The following TECPR1 variants were observed in gnomAD, a reference collection of about 807,000 sequenced individuals.
TECPR1 encodes the protein tectonin beta-propeller repeat containing 1.
In TECPR1, 122 loss-of-function variants were observed where a neutral mutation model predicts 162.4. The observed-to-expected ratio is 0.75, with a 90% CI of 0.65 to 0.87. TECPR1 has a LOEUF of 0.87. Ranked by LOEUF, TECPR1 falls within the 40% of genes least tolerant of loss-of-function variation. TECPR1 has a pLI of 0.00. For synonymous variants in TECPR1, 642 were observed against 670.6 expected (o/e 0.96, Z 0.66); for missense variants, 1,432 against 1,618.2 (o/e 0.88, Z 1.97).
intron 17 of TECPR1, among the ~76,000 whole-genome samples, chr7:98,226,322 G>A (rs1264228025): frequency 2.0e-5 from 3 of 152,238 alleles, no homozygotes; most frequent in Non-Finnish European, 2.9e-5. Flanking sequence ...TAAACACACA[G>A]ACACACAAAT....
intron 8 of TECPR1, among the ~76,000 whole-genome samples, chr7:98,239,400 C>G (rs529302602): frequency 6.6e-6 from 1 of 152,156 alleles, no homozygotes; most frequent in East Asian, 1.9e-4. Context: ...AAAAATACTA[C>G]AAATACTAGT....
intron 20 of TECPR1, 47 bp from the exon 21 acceptor site, chr7:98,223,217 C>A: frequency 6.6e-7 from 1 of 1,523,148 alleles, no homozygotes; most frequent in Non-Finnish European, 8.9e-7. Context: ...AAGGTGACCA[C>A]CAGGCTCCAG....
chr7:98,228,338 T>C lies in TECPR1; in HGVS notation c.2411-222A>G, dbSNP rs191338641. 2.4e-3 allele frequency among the ~76,000 whole-genome samples: 367 copies of C among 152,236 alleles called. 10 individuals carry two copies. The highest frequency in any genetic ancestry group is 0.023 in the Admixed American group (348 of 15,276). ...TTATTCTGGGATTGTGCAACCTCGA[T>C]GAGCACAGCCTGCTGTGCATTAAAT... is the stretch of plus-strand genomic sequence containing the variant. On this transcript the variant is annotated intron_variant, in intron 16 of 25. Transcript: ENST00000447648.
Position 98,244,478 on chromosome 7 carries a change from G to C in TECPR1, c.531+93C>G. On this transcript the variant is annotated intron_variant, in intron 5 of 25. Coordinates refer to ENST00000447648, the MANE Select transcript of TECPR1 (RefSeq NM_015395.3). ...TCCCGAGGTGGGCGTGGTGTCCCCT[G>C]GTGCACACAGGTGGGGAAGGTGGAG... 5.4e-6 allele frequency: 8 copies of C among 1,494,280 alleles called. No homozygotes were observed. In the South Asian group the frequency reaches 1.1e-4, roughly 20 times the overall value. The allele number at this position is 1,494,280 out of a possible 1,614,324, so 92.6% of individuals were successfully genotyped here.
chr7:98,222,551 C>T lies in TECPR1; in HGVS notation c.2929-30G>A, dbSNP rs958901863. 5 of 1,550,454 alleles carry T rather than the reference C, an allele frequency of 3.2e-6. No homozygotes were observed. In the African/African-American group the frequency reaches 5.5e-5, roughly 17 times the overall value. On this transcript the variant is annotated intron_variant, in intron 21 of 25. Transcript: ENST00000447648. ...GGATAGCAAGGAGGGGCGCTGAGGT[C>T]ACCAGGGCCCCCACCCCCAGGGCCC...
intron 21 of TECPR1, 56 bp from the exon 22 acceptor site, chr7:98,222,577 C>T (rs1184263653): frequency 6.5e-7 from 1 of 1,535,592 alleles, no homozygotes; most frequent in Non-Finnish European, 8.8e-7. Context: ...CCCAGGGCCC[C>T]ACCTCCAGGA....
At chr7:98,224,970 G>A (rs768849044) in intron 18 of TECPR1, 36 bp downstream of exon 18, 107 of 1,538,672 alleles carry the variant, frequency 7.0e-5, no homozygotes, top group East Asian at 2.0e-4. Flanking sequence ...GTGGGAGGGC[G>A]GATTCCCAAC....
intron 10 of TECPR1, 117 bp downstream of exon 10, chr7:98,236,659 C>T: frequency 2.2e-6 from 3 of 1,370,596 alleles, no homozygotes; most frequent in Admixed American, 2.2e-5. Flanking sequence ...TTTTCTCCTG[C>T]CTGGGACAAG....
At chr7:98,222,360 A>T in intron 22 of TECPR1, 26 bp downstream of exon 22, 1 of 1,602,842 alleles carries the variant, frequency 6.2e-7, no homozygotes, top group Non-Finnish European at 8.5e-7. Flanking sequence ...TGAACACTGC[A>T]GGGGCTCCTG....
At chr7:98,247,472 C>T (rs1371821687) in intron 2 of TECPR1, among the ~76,000 whole-genome samples, 5 of 152,080 alleles carry the variant, frequency 3.3e-5, no homozygotes, top group Admixed American at 2.0e-4. Context: ...TCAATGAAAG[C>T]TTACAGGTTT....
At chr7:98,225,874 T>TA (rs1798269643) in intron 17 of TECPR1, among the ~76,000 whole-genome samples, 2 of 152,310 alleles carry the variant, frequency 1.3e-5, no homozygotes, top group South Asian at 4.1e-4. Context: ...CCCAGGCTGA[T>TA]CTCGCCTTGT....
chr7:98,217,437 G>C lies in TECPR1; in HGVS notation c.3451C>G (p.Gln1151Glu), dbSNP rs375114491. The C allele has an allele frequency of 4.1e-5, 66 of 1,609,366 alleles. No homozygotes were observed. The African/African-American group carries it at 6.5e-4, about 16-fold the overall frequency. The change falls in exon 26 of 26, where the codon CAG (glutamine) becomes GAG (glutamate). Residue 1151 changes from glutamine (Q) to glutamate (E), a missense_variant. Physicochemically the swap from Gln to Glu is conservative, Grantham distance 29. Transcript: ENST00000447648. Reference sequence around the variant, plus strand: ...GCCTCTGGTGGGGCACTCGGCTCCTGCTCCTGGGACGAGCTCCGGGGGGCC... The same window carrying C: ...GCCTCTGGTGGGGCACTCGGCTCCTCCTCCTGGGACGAGCTCCGGGGGGCC... ...TRAPRSSSQE[Q>E]EPSAPPEAHG...
chr7:98,247,631 G>A (rs549120168), intron 2 of TECPR1, among the ~76,000 whole-genome samples: 2 of 152,110 alleles, frequency 1.3e-5, no homozygotes, highest in Non-Finnish European at 2.9e-5. Flanking sequence ...AGGGACGTAG[G>A]GGTCTTTTCT....
At position 98,233,903 on chromosome 7, in the gene TECPR1, C is replaced by T. The variant is rs937623430; in HGVS notation, c.1190G>A (p.Cys397Tyr). The T allele has an allele frequency of 1.3e-6, 2 of 1,534,098 alleles. No individual in the cohort carries two copies. The highest frequency in any genetic ancestry group is 1.7e-4 in the Middle Eastern group (1 of 5,890). ...GSSSSLLSAG[C>Y]FFGDEVRGSG... ...ACCCCTCACCTCATCACCGAAGAAG[C>T]AGCCGGCACTGGGGACAAATCAGGG... is the stretch of plus-strand genomic sequence containing the variant. The change falls in exon 11 of 26, where the codon TGC becomes TAC. Residue 397 changes from cysteine (C) to tyrosine (Y), a missense_variant. Physicochemically the swap from Cys to Tyr is radical, Grantham distance 194. Transcript: ENST00000447648.
intron 13 of TECPR1, 89 bp from the exon 14 acceptor site, chr7:98,231,462 C>A: frequency 7.0e-7 from 1 of 1,419,818 alleles, no homozygotes; most frequent in South Asian, 1.3e-5. Context: ...CCCTGGGACC[C>A]TGGCCCTCGG....
chr7:98,231,149 G>GCAGGCCAGGC lies in TECPR1; in HGVS notation c.2125-41_2125-32dup, dbSNP rs749755477. Reference sequence around the variant, plus strand: ...GTGGCACAATGCCGGTCACTGCTGAGCAGGCCAGGCCAGGCCAGGCCACCC... The same window carrying GCAGGCCAGGC: ...GTGGCACAATGCCGGTCACTGCTGAGCAGGCCAGGCCAGGCCAGGCCAGGCCAGGCCACCC... On this transcript the variant is annotated intron_variant, in intron 14 of 25. Coordinates refer to ENST00000447648, the MANE Select transcript of TECPR1 (RefSeq NM_015395.3). The GCAGGCCAGGC allele has an allele frequency of 3.7e-6, 6 of 1,604,424 alleles. No homozygotes were observed. In the African/African-American group the frequency reaches 5.4e-5, roughly 14 times the overall value.
In TECPR1 at chr7:98,251,177, C is replaced by T. The variant is rs576495669; in HGVS notation, c.-20+217G>A. The T allele has an allele frequency of 2.6e-5, 4 of 152,136 alleles. No individual in the cohort carries two copies. In the South Asian group the frequency reaches 8.3e-4, roughly 31 times the overall value. 9.4% of individuals were successfully genotyped at this position (152,136 alleles called of 1,614,324 possible). On this transcript the variant is annotated intron_variant, in intron 2 of 25. Transcript: ENST00000447648. ...GGAGGAAAATCTTCCAAATCAGCAG[C>T]CTCGAATTCACCAAGAATTTCTACA...
In TECPR1 at chr7:98,241,027, T is replaced by C; in HGVS notation, c.832+43A>G. 6.3e-7 allele frequency: 1 copy of C among 1,588,968 alleles called. No homozygotes were observed. The highest frequency in any genetic ancestry group is 8.6e-7 in the Non-Finnish European group (1 of 1,167,952). ...GGGGAGCGAGTGACCCTCACCCTTCTCCCCAGTACAGGGTATGTGGGTGGG... is the reference window on the plus strand; with the variant it reads ...GGGGAGCGAGTGACCCTCACCCTTCCCCCCAGTACAGGGTATGTGGGTGGG... On this transcript the variant is annotated intron_variant, in intron 7 of 25. Coordinates refer to ENST00000447648, the MANE Select transcript of TECPR1 (RefSeq NM_015395.3). The surrounding 1 kb of genome is among the most constrained non-coding windows in gnomAD (Gnocchi z 5.0).
intron 4 of TECPR1, 65 bp downstream of exon 4, chr7:98,244,820 G>A: frequency 1.3e-6 from 2 of 1,598,632 alleles, no homozygotes; most frequent in Non-Finnish European, 1.7e-6. Flanking sequence ...GGGGACAGAA[G>A]CAGGGACAGG....
Sources: allele counts gnomAD v4.1 joint callset (sites outside exome capture counted in the v4.1 genomes callset), GRCh38; gene constraint gnomAD v4.1.1; non-coding constraint Gnocchi (gnomAD v3.1); transcripts MANE v1.5; gene names NCBI Gene and HGNC (gene_info 2026-07-23, HGNC 2026-07-21).